The following NBEA variants were observed in gnomAD, a reference collection of about 807,000 sequenced individuals.
The protein encoded by NBEA is lysosomal-trafficking regulator 2.
NBEA carries 44 observed loss-of-function variants against 343.4 expected under a neutral mutation model. The observed-to-expected ratio is 0.13, with a 90% CI of 0.10 to 0.16. The LOEUF is 0.16. Ranked by LOEUF, NBEA falls within the 10% of genes least tolerant of loss-of-function variation. NBEA has a pLI of 1.00. For synonymous variants in NBEA, 1,175 were observed against 1,238.7 expected (o/e 0.95, Z 1.08); for missense variants, 2,555 against 3,631.3 (o/e 0.70, Z 7.62).
intron 46 of NBEA, among the ~76,000 whole-genome samples, chr13:35,584,314 CTTT>C (rs67450016): frequency 1.5e-4 from 20 of 134,278 alleles, no homozygotes; most frequent in East Asian, 4.4e-4. Context: ...GAGTACATAC[CTTT>C]TTTTTTTTTT....
At chr13:35,454,895 TAAAA>T (rs932148860) in intron 40 of NBEA, among the ~76,000 whole-genome samples, 1 of 151,556 alleles carries the variant, frequency 6.6e-6, no homozygotes, top group Non-Finnish European at 1.5e-5. Flanking sequence ...AAATAAAAAA[TAAAA>T]AAACAGGAAA....
intron 40 of NBEA, among the ~76,000 whole-genome samples, chr13:35,456,858 A>G (rs1271141579): frequency 6.6e-6 from 1 of 151,802 alleles, no homozygotes; most frequent in East Asian, 1.9e-4. Context: ...TAATTTAGGG[A>G]ATTGTGAGTT....
rs1354495436 is a variant in NBEA, at chr13:35,159,871, T to G, written c.3700T>G (p.Tyr1234Asp). 1.2e-6 allele frequency: 2 copies of G among 1,604,352 alleles called. No individual in the cohort carries two copies. Among genetic ancestry groups the G allele is most frequent in the Non-Finnish European group, 1.7e-6 (2 of 1,174,878 alleles). ...AGCGTCATCAACTAAGGGGCTGGAGTATGCTGAAATGACTGCTACAACTCT... is the reference window on the plus strand; with the variant it reads ...AGCGTCATCAACTAAGGGGCTGGAGGATGCTGAAATGACTGCTACAACTCT... ...DLASSTKGLE[Y>D]AEMTATTLET... Residue 1234 changes from tyrosine to aspartate, a missense_variant, in exon 22 of 59, where the codon TAT becomes GAT. Coordinates refer to ENST00000379939, the MANE Select transcript of NBEA (RefSeq NM_001385012.1).
Position 35,155,799 on chromosome 13 carries a change from A to G in NBEA, c.2471A>G (p.Gln824Arg). 3 of 1,610,774 alleles carry G rather than the reference A, an allele frequency of 1.9e-6. No individual in the cohort carries two copies. Among genetic ancestry groups the G allele is most frequent in the Non-Finnish European group, 2.5e-6 (3 of 1,177,064 alleles). ...YEILTEQVCT[Q>R]VVHKPHPEPD... Reference sequence around the variant, plus strand: ...ATCTTGACAGAACAAGTATGTACTCAGGTCGTACACAAACCACATCCAGAG... The same window carrying G: ...ATCTTGACAGAACAAGTATGTACTCGGGTCGTACACAAACCACATCCAGAG... Residue 824 changes from glutamine to arginine, a missense_variant, in exon 19 of 59, where the codon CAG becomes CGG. Coordinates refer to ENST00000379939, the MANE Select transcript of NBEA (RefSeq NM_001385012.1).
chr13:35,506,348 C>T (rs1298821812), intron 41 of NBEA, among the ~76,000 whole-genome samples: 3 of 152,164 alleles, frequency 2.0e-5, no homozygotes, highest in Non-Finnish European at 2.9e-5. Flanking sequence ...AGATTACAAG[C>T]GTGAGCCACC....
chr13:35,158,236 C>T (rs117346220), intron 21 of NBEA, among the ~76,000 whole-genome samples: 3,503 of 151,950 alleles, frequency 0.023, 67 homozygotes, highest in Non-Finnish European at 0.034. Flanking sequence ...AAAGGATGGT[C>T]CCCCCAATCT....
intron 36 of NBEA, among the ~76,000 whole-genome samples, chr13:35,319,204 A>T (rs2152839165): frequency 6.6e-6 from 1 of 152,244 alleles, no homozygotes; most frequent in East Asian, 1.9e-4. Flanking sequence ...CATTGATTTT[A>T]GATCTTTCCC....
intron 36 of NBEA, among the ~76,000 whole-genome samples, chr13:35,344,354 G>A (rs1021006636): frequency 6.6e-6 from 1 of 151,874 alleles, no homozygotes; most frequent in African/African-American, 2.4e-5. Flanking sequence ...AAAAAAAAAT[G>A]TCCAAGTTAG....
At position 35,475,432 on chromosome 13, in the gene NBEA, T is replaced by C. The variant is rs773279800; in HGVS notation, c.6585+2896T>C. 12 of 1,613,306 alleles carry C rather than the reference T, an allele frequency of 7.4e-6. No homozygotes were observed. The South Asian group carries it at 1.2e-4, about 16-fold the overall frequency. ...CCCCATCTGCAGTCTGTTCTCTGCC[T>C]CCGCGAACTGCAGCACCCAGGCGTC... On this transcript the variant is annotated intron_variant, in intron 41 of 58. Coordinates refer to ENST00000379939, the MANE Select transcript of NBEA (RefSeq NM_001385012.1).
At chr13:34,974,991 T>TC (rs1489292255) in intron 1 of NBEA, among the ~76,000 whole-genome samples, 3 of 152,210 alleles carry the variant, frequency 2.0e-5, no homozygotes, top group African/African-American at 7.2e-5. Flanking sequence ...TGCATGAGGC[T>TC]AAGCATGTAG....
At chr13:35,393,665 G>T (rs770947894) in intron 38 of NBEA, among the ~76,000 whole-genome samples, 1 of 151,680 alleles carries the variant, frequency 6.6e-6, no homozygotes, top group Non-Finnish European at 1.5e-5. Flanking sequence ...GTATGTAAAT[G>T]GTACCAATGA....
intron 23 of NBEA, among the ~76,000 whole-genome samples, chr13:35,163,114 T>C (rs1201708984): frequency 1.3e-5 from 2 of 152,150 alleles, no homozygotes; most frequent in Admixed American, 1.3e-4. Context: ...ACTCAGCTTT[T>C]TTTCCAACCA....
Position 35,421,043 on chromosome 13 carries a change from G to A in NBEA, c.6180-11226G>A, listed in dbSNP as rs572908245. On this transcript the variant is annotated intron_variant, in intron 38 of 58. Coordinates refer to ENST00000379939, the MANE Select transcript of NBEA (RefSeq NM_001385012.1). ...TTTTATTGTTTCCTTTCTTCTACTT[G>A]CCTTTTATGTGTTCTTAAGGTGAGA... Among the ~76,000 whole-genome samples, 27 of 151,206 alleles carry A rather than the reference G, an allele frequency of 1.8e-4. 1 individual carries two copies. The South Asian group carries it at 5.2e-3, about 29-fold the overall frequency.
chr13:35,397,038 C>T (rs1457119054), intron 38 of NBEA, among the ~76,000 whole-genome samples: 2 of 152,132 alleles, frequency 1.3e-5, no homozygotes, highest in African/African-American at 4.8e-5. Context: ...CACTTTAACA[C>T]TACCATTGTT....
intron 1 of NBEA, among the ~76,000 whole-genome samples, chr13:34,984,073 C>A (rs571632308): frequency 1.1e-4 from 17 of 152,176 alleles, no homozygotes; most frequent in Admixed American, 9.8e-4. Flanking sequence ...GCTTTTGTTG[C>A]CATTGCTTTT....
At chr13:35,652,681 T>C (rs2084599409) in intron 53 of NBEA, among the ~76,000 whole-genome samples, 1 of 131,136 alleles carries the variant, frequency 7.6e-6, no homozygotes, top group African/African-American at 2.7e-5. Flanking sequence ...ACATCTTTTC[T>C]GGCAGTCTTT....
intron 38 of NBEA, among the ~76,000 whole-genome samples, chr13:35,387,665 A>G (rs2042305725): frequency 6.6e-6 from 1 of 152,152 alleles, no homozygotes; most frequent in South Asian, 2.1e-4. Flanking sequence ...TCATGCCTAC[A>G]TAGCCGACTT....
intron 1 of NBEA, among the ~76,000 whole-genome samples, chr13:34,996,521 T>A (rs1030796496): frequency 6.6e-6 from 1 of 151,930 alleles, no homozygotes; most frequent in African/African-American, 2.4e-5. Context: ...TATACTATAA[T>A]CAAAATTACC....
At chr13:35,628,029 G>T in intron 48 of NBEA, 52 bp from the exon 49 acceptor site, 1 of 1,375,186 alleles carries the variant, frequency 7.3e-7, no homozygotes. Flanking sequence ...AAAAGGATAT[G>T]AAGGTGTACT....
Sources: allele counts gnomAD v4.1 joint callset (sites outside exome capture counted in the v4.1 genomes callset), GRCh38; gene constraint gnomAD v4.1.1; transcripts MANE v1.5; gene names NCBI Gene and HGNC (gene_info 2026-07-23, HGNC 2026-07-21).